PIAS1: variants seen among roughly 807,000 people sequenced by gnomAD.
PIAS1 encodes the protein E3 SUMO-protein ligase PIAS1.
Under a neutral mutation model 71.3 loss-of-function variants are expected in PIAS1, and 6 were observed. That is an observed-to-expected ratio of 0.08 (90% CI 0.05 to 0.17). The LOEUF (loss-of-function observed/expected upper bound fraction) is 0.17, where lower values mean the gene tolerates loss of function less well. Ranked by LOEUF, PIAS1 falls within the 10% of genes least tolerant of loss-of-function variation. The pLI is 1.00. For missense variants in PIAS1, 555 were observed against 793.6 expected (o/e 0.70, Z 3.61); for synonymous variants, 303 against 292.9 (o/e 1.03, Z -0.35).
rs1218051935 is a variant in PIAS1, at chr15:68,188,442, TG to T, written c.*608del. ...GGTGTGTGTGTTCATTGTGTGCGTCTGTATGTATTTTTCTGTCATCACTGTT... is the reference window on the plus strand; with the variant it reads ...GGTGTGTGTGTTCATTGTGTGCGTCTTATGTATTTTTCTGTCATCACTGTT... On this transcript the variant is annotated 3_prime_UTR_variant, in exon 14 of 14. Coordinates refer to ENST00000249636, the MANE Select transcript of PIAS1 (RefSeq NM_016166.3). The T allele has an allele frequency of 6.6e-6, 1 of 152,584 alleles. No individual in the cohort carries two copies. Among genetic ancestry groups the T allele is most frequent in the African/African-American group, 2.4e-5 (1 of 41,442 alleles). 9.5% of individuals were successfully genotyped at this position (152,584 alleles called of 1,614,324 possible). A position where few individuals can be genotyped will look rare whatever the true frequency, so the allele number is the denominator to read the frequency against.
chr15:68,160,940 G>T (rs974129170), intron 7 of PIAS1, among the ~76,000 whole-genome samples: 1 of 152,074 alleles, frequency 6.6e-6, no homozygotes, highest in Non-Finnish European at 1.5e-5. Flanking sequence ...AGAGATCCTA[G>T]ACAGCACAAT....
intron 2 of PIAS1, among the ~76,000 whole-genome samples, chr15:68,102,275 G>GT (rs1409098804): frequency 6.6e-6 from 1 of 152,114 alleles, no homozygotes; most frequent in East Asian, 1.9e-4. Flanking sequence ...CTGTACCTAT[G>GT]TGGGTCTCTT....
At chr15:68,144,384 C>T (rs549165550) in intron 4 of PIAS1, among the ~76,000 whole-genome samples, 1 of 152,052 alleles carries the variant, frequency 6.6e-6, no homozygotes. Flanking sequence ...GTTGTGCCTC[C>T]CTGCTCCACT....
chr15:68,115,594 G>A (rs888190555), intron 2 of PIAS1, among the ~76,000 whole-genome samples: 1 of 152,132 alleles, frequency 6.6e-6, no homozygotes, highest in Non-Finnish European at 1.5e-5. Context: ...AATGGTAAGA[G>A]TGGATGTCAC....
At position 68,187,612 on chromosome 15, in the gene PIAS1, C is replaced by G; in HGVS notation, c.1733C>G (p.Ser578Cys). The change falls in exon 14 of 14, where the codon TCT becomes TGT. Residue 578 changes from serine (S) to cysteine (C), a missense_variant. Ser to Cys is a moderately radical substitution (Grantham distance 112, BLOSUM62 -1). Transcript: ENST00000249636. This position sits in a 1 kb window ranked among gnomAD's most constrained non-coding sequence, Gnocchi z 5.3. ...VSDDQDLLHS[S>C]RFFPYTSSQM... ...GATGATCAAGACCTCCTACACTCGT[C>G]TCGGTTTTTCCCGTATACCTCCTCA... is the stretch of plus-strand genomic sequence containing the variant. 6.2e-7 allele frequency: 1 copy of G among 1,614,008 alleles called. No individual in the cohort carries two copies. The highest frequency in any genetic ancestry group is 2.2e-5 in the East Asian group (1 of 44,882).
chr15:68,059,691 G>A (rs917679794), intron 1 of PIAS1, among the ~76,000 whole-genome samples: 6 of 142,338 alleles, frequency 4.2e-5, no homozygotes, highest in Non-Finnish European at 6.0e-5. Flanking sequence ...GGGCTACAGT[G>A]TGAGATTCCG....
intron 1 of PIAS1, among the ~76,000 whole-genome samples, chr15:68,076,323 C>T (rs377766090): frequency 1.2e-4 from 19 of 152,020 alleles, no homozygotes; most frequent in South Asian, 4.2e-4. Context: ...CTGGCTGACA[C>T]GGTGAAAGCG....
intron 10 of PIAS1, among the ~76,000 whole-genome samples, chr15:68,176,041 A>C (rs2093018364): frequency 6.6e-6 from 1 of 152,088 alleles, no homozygotes; most frequent in African/African-American, 2.4e-5. Flanking sequence ...ACCCTTTTTA[A>C]ATTTTTAACA....
At chr15:68,107,538 T>C (rs1012100530) in intron 2 of PIAS1, among the ~76,000 whole-genome samples, 5 of 152,230 alleles carry the variant, frequency 3.3e-5, no homozygotes, top group African/African-American at 1.2e-4. Flanking sequence ...ATACCAGATA[T>C]TTATAGTCTT....
At chr15:68,078,332 T>G (rs1444133768) in intron 1 of PIAS1, among the ~76,000 whole-genome samples, 2 of 152,202 alleles carry the variant, frequency 1.3e-5, no homozygotes, top group African/African-American at 4.8e-5. Flanking sequence ...CCTTCTTACC[T>G]TACATGTAGA....
At chr15:68,082,441 A>G (rs1311846946) in intron 1 of PIAS1, among the ~76,000 whole-genome samples, 1 of 152,144 alleles carries the variant, frequency 6.6e-6, no homozygotes, top group Non-Finnish European at 1.5e-5. Context: ...GTATTTGAAT[A>G]TATTGAGAAG....
intron 2 of PIAS1, among the ~76,000 whole-genome samples, chr15:68,123,753 G>A (rs1169043431): frequency 6.6e-6 from 1 of 152,084 alleles, no homozygotes; most frequent in Non-Finnish European, 1.5e-5. Context: ...TATATTCTGT[G>A]ATATTATAGA....
intron 1 of PIAS1, among the ~76,000 whole-genome samples, chr15:68,063,999 A>G (rs1168995211): frequency 6.6e-6 from 1 of 152,190 alleles, no homozygotes; most frequent in Non-Finnish European, 1.5e-5. Flanking sequence ...GAGTACATTT[A>G]AAAATATATT....
chr15:68,176,711 G>T (rs2093022324), intron 11 of PIAS1, 57 bp downstream of exon 11: 1 of 1,172,404 alleles, frequency 8.5e-7, no homozygotes, highest in East Asian at 2.5e-5. Flanking sequence ...TTGGCAAATA[G>T]GGATTAAAGA....
intron 8 of PIAS1, among the ~76,000 whole-genome samples, chr15:68,166,496 A>C (rs1408976499): frequency 6.6e-6 from 1 of 152,094 alleles, no homozygotes; most frequent in Non-Finnish European, 1.5e-5. Context: ...TGATTTATCC[A>C]TTCCCCCATC....
At chr15:68,098,401 C>A (rs2092395939) in intron 2 of PIAS1, among the ~76,000 whole-genome samples, 1 of 150,960 alleles carries the variant, frequency 6.6e-6, no homozygotes, top group African/African-American at 2.5e-5. Flanking sequence ...ATTAAGTAGG[C>A]TAAAGGGGAG....
At chr15:68,113,340 CAAAA>C (rs2092538470) in intron 2 of PIAS1, among the ~76,000 whole-genome samples, 1 of 151,834 alleles carries the variant, frequency 6.6e-6, no homozygotes, top group African/African-American at 2.4e-5. Flanking sequence ...TTAACAACAA[CAAAA>C]AAAGAAAATG....
intron 12 of PIAS1, chr15:68,181,678 T>A (rs919491713): frequency 5.6e-6 from 1 of 178,268 alleles, no homozygotes; most frequent in Non-Finnish European, 1.2e-5. Flanking sequence ...ATGAACATTA[T>A]TTTTTTTTGC....
At chr15:68,163,932 G>A (rs1378039384) in intron 7 of PIAS1, among the ~76,000 whole-genome samples, 2 of 152,102 alleles carry the variant, frequency 1.3e-5, no homozygotes, top group Non-Finnish European at 2.9e-5. Flanking sequence ...TACTGTTATT[G>A]AAGTTTTCAG....
Sources: gnomAD v4.1 joint callset for allele counts (sites outside exome capture counted in the v4.1 genomes callset) on GRCh38, gnomAD v4.1.1 for gene constraint, Gnocchi (gnomAD v3.1) non-coding constraint, MANE v1.5 for transcripts, NCBI Gene and HGNC (gene_info 2026-07-23, HGNC 2026-07-21) for gene names.